Variants in MYO7A observed in about 807,000 individuals in gnomAD.
MYO7A encodes myosin VIIA, also known as unconventional myosin-VIIa.
MYO7A carries 210 observed loss-of-function variants against 263.8 expected under a neutral mutation model. The ratio of observed to expected loss-of-function variants is 0.80; its 90% CI spans 0.71 to 0.89. MYO7A has a LOEUF of 0.89. Ranked by LOEUF, MYO7A falls within the 40% of genes least tolerant of loss-of-function variation. MYO7A has a pLI of 0.00. For synonymous variants in MYO7A, 1,239 were observed against 1,197.3 expected, an observed-to-expected ratio of 1.03 and a Z score of -0.72; for missense variants, 2,820 against 2,968.3, an observed-to-expected ratio of 0.95 and a Z score of 1.16.
intron 9 of MYO7A, 49 bp downstream of exon 9, chr11:77,158,479 T>A (rs1952700992): frequency 6.4e-7 from 1 of 1,572,480 alleles, no homozygotes; most frequent in Admixed American, 1.7e-5. Context: ...CCAAGGGCAG[T>A]GCAGTGCCTT....
intron 19 of MYO7A, among the ~76,000 whole-genome samples, chr11:77,177,925 C>T (rs1954780698): frequency 6.6e-6 from 1 of 152,040 alleles, no homozygotes; most frequent in South Asian, 2.1e-4. Context: ...CATGTGGACC[C>T]ACTGTTCATG....
intron 4 of MYO7A, among the ~76,000 whole-genome samples, chr11:77,154,539 G>A (rs1555059892): frequency 6.6e-6 from 1 of 152,192 alleles, no homozygotes; most frequent in Non-Finnish European, 1.5e-5. Flanking sequence ...GAGGGCGGGT[G>A]AGTGTGGCAC....
intron 15 of MYO7A, among the ~76,000 whole-genome samples, chr11:77,170,505 C>G (rs1368143929): frequency 1.3e-5 from 2 of 152,008 alleles, no homozygotes; most frequent in African/African-American, 2.4e-5. Flanking sequence ...ATCAAGGAGG[C>G]GGTGGAGGGT....
chr11:77,181,887 C>T (rs937770615), intron 23 of MYO7A, 64 bp from the exon 24 acceptor site: 41 of 1,491,946 alleles, frequency 2.7e-5, no homozygotes, highest in Non-Finnish European at 3.4e-5. Flanking sequence ...TGGGCTCAGG[C>T]GATCCTCCCA....
intron 22 of MYO7A, 139 bp from the exon 23 acceptor site, chr11:77,181,241 A>G: frequency 2.8e-6 from 2 of 727,204 alleles, no homozygotes; most frequent in Non-Finnish European, 4.4e-6. Flanking sequence ...GGGAAGTCAG[A>G]GGCTCCATTC....
intron 15 of MYO7A, among the ~76,000 whole-genome samples, chr11:77,169,573 T>A (rs1343882322): frequency 1.3e-5 from 2 of 152,172 alleles, no homozygotes; most frequent in African/African-American, 4.8e-5. Flanking sequence ...ATCTGCAGAT[T>A]ATCCCAGAAA....
At chr11:77,147,650 T>C in intron 3 of MYO7A, 148 bp from the exon 4 acceptor site, 6 of 1,004,724 alleles carry the variant, frequency 6.0e-6, no homozygotes, top group Non-Finnish European at 8.8e-6. Context: ...CTGAACCCTG[T>C]TAGAACTGAC....
intron 33 of MYO7A, 132 bp from the exon 34 acceptor site, chr11:77,198,363 T>A: frequency 8.1e-7 from 1 of 1,240,232 alleles, no homozygotes; most frequent in East Asian, 2.5e-5. Flanking sequence ...GAGTTTGTGC[T>A]CTCTGAGCCT....
intron 31 of MYO7A, among the ~76,000 whole-genome samples, chr11:77,192,915 G>GGTAGTGATGCTGTTGGTGATGGTGGA (rs1565441983): frequency 3.5e-4 from 2 of 5,784 alleles, no homozygotes; most frequent in Non-Finnish European, 7.4e-4. Flanking sequence ...TGATGGTGGA[G>GGTAGTGATGCTGTTGGTGATGGTGGA]GGTAGTGATG....
chr11:77,193,067 ATGGTGGAGGTAGTTGTTTGTGATGG>A (rs1565443559), intron 31 of MYO7A, among the ~76,000 whole-genome samples: 2 of 24,098 alleles, frequency 8.3e-5, no homozygotes, highest in African/African-American at 3.5e-4. Context: ...GGTGTTGGTG[ATGGTGGAGGTAGTTGTTTGTGATGG>A]TGGAGGTAGT....
In MYO7A at chr11:77,185,922, A is replaced by ATTT. The variant is rs370558760; in HGVS notation, c.3503+1222_3503+1224dup. 1.2e-4 allele frequency among the ~76,000 whole-genome samples: 16 copies of ATTT among 137,894 alleles called. 1 individual carries two copies. Among genetic ancestry groups the ATTT allele is most frequent in the South Asian group, 2.3e-4 (1 of 4,264 alleles). 90.5% of individuals were successfully genotyped at this position (137,894 alleles called of 152,430 possible). On this transcript the variant is annotated intron_variant, in intron 27 of 48. Coordinates refer to ENST00000409709, the MANE Select transcript of MYO7A (RefSeq NM_000260.4). ...AATAACATTCGTCTCCTTGTACATC[A>ATTT]TTTTTTTTTTTTTTTTTGGAGACAG...
intron 31 of MYO7A, among the ~76,000 whole-genome samples, chr11:77,192,891 A>G (rs1339272285): frequency 2.8e-4 from 36 of 130,276 alleles, no homozygotes; most frequent in South Asian, 1.7e-3. Flanking sequence ...TGGAGGAGGT[A>G]GTGATGGTGT....
intron 4 of MYO7A, among the ~76,000 whole-genome samples, chr11:77,148,693 A>G (rs1211091068): frequency 1.3e-5 from 2 of 152,230 alleles, no homozygotes; most frequent in Admixed American, 1.3e-4. Context: ...GATATTTGCC[A>G]TATTAGAAGT....
chr11:77,198,719 C>T, intron 34 of MYO7A, 98 bp downstream of exon 34: 1 of 1,547,364 alleles, frequency 6.5e-7, no homozygotes, highest in Non-Finnish European at 8.7e-7. Flanking sequence ...ATGAAGTGGC[C>T]TGCCTGGTTG....
intron 7 of MYO7A, 41 bp downstream of exon 7, chr11:77,157,045 C>T: frequency 1.3e-6 from 2 of 1,598,920 alleles, no homozygotes; most frequent in Non-Finnish European, 1.7e-6. Flanking sequence ...GACCCAGGCC[C>T]CTGGCCTCAG....
intron 26 of MYO7A, among the ~76,000 whole-genome samples, chr11:77,183,741 G>C (rs1218983792): frequency 6.6e-6 from 1 of 152,006 alleles, no homozygotes; most frequent in Non-Finnish European, 1.5e-5. Flanking sequence ...CCCTCTGCCT[G>C]AAACTCCTCC....
At chr11:77,185,040 T>C in intron 27 of MYO7A, 1 of 476,248 alleles carries the variant, frequency 2.1e-6, no homozygotes, top group South Asian at 2.0e-5. Flanking sequence ...TATACTATAC[T>C]ATAGTCTATG....
chr11:77,156,777 G>A lies in MYO7A; in HGVS notation c.588G>A (p.Leu196=). 1 of 1,614,010 alleles carries A rather than the reference G, an allele frequency of 6.2e-7. No individual in the cohort carries two copies. The highest frequency in any genetic ancestry group is 8.5e-7 in the Non-Finnish European group (1 of 1,179,886). ...EQQVLEATPI[L]EAFGNAKTIR... ...AGGTCTTGGAGGCCACCCCCATTCT[G>A]GAAGGTAGGACCAGAGTTCCGAGGG... Residue 196 remains leucine, a synonymous_variant, in exon 6 of 49, where the codon CTG becomes CTA. Transcript: ENST00000409709.
chr11:77,141,906 T>G (rs7131022), intron 2 of MYO7A, among the ~76,000 whole-genome samples: 68,890 of 152,140 alleles, frequency 0.45, 17,865 homozygotes, highest in African/African-American at 0.71. Flanking sequence ...TTGCTCAGTT[T>G]TTTGTCACCA....
Sources: allele counts gnomAD v4.1 joint callset (sites outside exome capture counted in the v4.1 genomes callset), GRCh38; gene constraint gnomAD v4.1.1; transcripts MANE v1.5; gene names NCBI Gene and HGNC (gene_info 2026-07-23, HGNC 2026-07-21).